SLC4A7: variants seen among roughly 807,000 people sequenced by gnomAD.
SLC4A7 encodes the protein sodium bicarbonate cotransporter 3.
In SLC4A7, 51 loss-of-function variants were observed where a neutral mutation model predicts 137.6. The observed-to-expected ratio is 0.37, with a 90% CI of 0.30 to 0.47. The LOEUF (loss-of-function observed/expected upper bound fraction) is 0.47. SLC4A7 is among the 20% of genes least tolerant of loss of function. The pLI is 1.00. For missense variants in SLC4A7, 1,247 were observed against 1,525.4 expected (o/e 0.82, Z 3.04); for synonymous variants, 542 against 518.6 (o/e 1.05, Z -0.61).
At chr3:27,472,100 AC>A (rs1486813061) in intron 1 of SLC4A7, among the ~76,000 whole-genome samples, 4 of 152,186 alleles carry the variant, frequency 2.6e-5, no homozygotes, top group African/African-American at 4.8e-5. Flanking sequence ...AAAGCTCACA[AC>A]CATAACAAAG....
intron 21 of SLC4A7, among the ~76,000 whole-genome samples, chr3:27,390,507 T>C (rs939116107): frequency 6.6e-6 from 1 of 152,206 alleles, no homozygotes; most frequent in African/African-American, 2.4e-5. Flanking sequence ...AGAAAATAAC[T>C]TGAGATAACA....
chr3:27,396,819 G>A (rs2052219453), intron 18 of SLC4A7, among the ~76,000 whole-genome samples: 1 of 152,052 alleles, frequency 6.6e-6, no homozygotes, highest in Non-Finnish European at 1.5e-5. Context: ...AACAAAAACA[G>A]AGCAGAAGGA....
intron 7 of SLC4A7, among the ~76,000 whole-genome samples, chr3:27,428,050 A>C (rs942084842): frequency 9.9e-5 from 15 of 152,228 alleles, no homozygotes; most frequent in African/African-American, 3.6e-4. Flanking sequence ...ATATTGGAAA[A>C]AATGGAAGGA....
chr3:27,466,461 A>G (rs2059002730), intron 1 of SLC4A7, among the ~76,000 whole-genome samples: 2 of 145,586 alleles, frequency 1.4e-5, no homozygotes, highest in Admixed American at 7.0e-5. Context: ...AAAAAAAAAA[A>G]GAAAAAGAAA....
intron 5 of SLC4A7, 62 bp downstream of exon 5, chr3:27,436,326 T>C (rs567222584): frequency 1.1e-4 from 135 of 1,267,502 alleles, no homozygotes; most frequent in Non-Finnish European, 1.5e-4. Context: ...ATATAGTTGT[T>C]AAATGAATGT....
intron 22 of SLC4A7, 123 bp from the exon 23 acceptor site, chr3:27,386,146 C>A: frequency 3.2e-6 from 2 of 620,192 alleles, no homozygotes; most frequent in South Asian, 5.9e-5. Flanking sequence ...ATTATTCACA[C>A]ATCATTTTGT....
At position 27,403,250 on chromosome 3, in the gene SLC4A7, G is replaced by C; in HGVS notation, c.2210C>G (p.Ala737Gly). 1 of 1,613,962 alleles carries C rather than the reference G, an allele frequency of 6.2e-7. No individual in the cohort carries two copies. Among genetic ancestry groups the C allele is most frequent in the Non-Finnish European group, 8.5e-7 (1 of 1,179,942 alleles). ...YITRFTEEAFAALICIIFIYE... is the reference protein window; with the variant it reads ...YITRFTEEAFGALICIIFIYE... ...GATGAATATGATGCAAATAAGGGCT[G>C]CAAAAGCCTCTTCTGTAAATCGAGT... is the stretch of plus-strand genomic sequence containing the variant. The change falls in exon 15 of 26, where the codon GCA (alanine) becomes GGA (glycine). Residue 737 changes from alanine (A) to glycine (G), a missense_variant. By Grantham distance (60) the Ala-to-Gly change is moderately conservative (BLOSUM62 0). This residue lies in a region of SLC4A7 where 499 missense variants were observed against 664.2 expected (regional missense o/e 0.75). Transcript: ENST00000454389.
Position 27,416,501 on chromosome 3 carries a change from T to C in SLC4A7, c.1659+1985A>G, listed in dbSNP as rs145056315. ...ATTATTATTAAAGAAGACTAGTACA[T>C]ACATATATTTTATGCATTCAGGAAT... On this transcript the variant is annotated intron_variant, in intron 11 of 25. Transcript: ENST00000454389. Among the ~76,000 whole-genome samples, 475 of 152,340 alleles carry C rather than the reference T, an allele frequency of 3.1e-3. 3 individuals are homozygous for C. Among genetic ancestry groups the C allele is most frequent in the African/African-American group, 0.011 (461 of 41,582 alleles).
chr3:27,432,412 G>A (rs2056388478), intron 6 of SLC4A7, among the ~76,000 whole-genome samples: 1 of 152,010 alleles, frequency 6.6e-6, no homozygotes, highest in South Asian at 2.1e-4. Flanking sequence ...TATTTCACTA[G>A]CTAAGAATAA....
intron 1 of SLC4A7, among the ~76,000 whole-genome samples, chr3:27,464,297 G>A (rs997482428): frequency 3.9e-5 from 6 of 152,206 alleles, no homozygotes; most frequent in African/African-American, 7.2e-5. Context: ...CTGTTTCAAC[G>A]AAGATCATGT....
intron 4 of SLC4A7, 26 bp downstream of exon 4, chr3:27,437,362 A>AAAG: frequency 1.4e-6 from 2 of 1,476,424 alleles, no homozygotes; most frequent in Non-Finnish European, 1.8e-6. Flanking sequence ...AAAAAAAAAA[A>AAAG]AGAGAGAGAG....
At chr3:27,454,272 C>A (rs1008984450) in intron 1 of SLC4A7, among the ~76,000 whole-genome samples, 1 of 152,130 alleles carries the variant, frequency 6.6e-6, no homozygotes, top group Non-Finnish European at 1.5e-5. Flanking sequence ...TTGACACCAG[C>A]CTGGCCAACG....
At chr3:27,469,290 G>T (rs1280451242) in intron 1 of SLC4A7, among the ~76,000 whole-genome samples, 1 of 152,076 alleles carries the variant, frequency 6.6e-6, no homozygotes, top group Non-Finnish European at 1.5e-5. Flanking sequence ...GACACCAGCT[G>T]GGTGTCCTCT....
intron 1 of SLC4A7, among the ~76,000 whole-genome samples, chr3:27,459,971 T>A (rs1206752211): frequency 2.1e-5 from 3 of 144,588 alleles, no homozygotes; most frequent in Admixed American, 6.9e-5. Context: ...TCAGTGTTAT[T>A]TATATATATA....
chr3:27,386,118 G>A, intron 22 of SLC4A7, 95 bp from the exon 23 acceptor site: 1 of 928,112 alleles, frequency 1.1e-6, no homozygotes, highest in Non-Finnish European at 1.6e-6. Flanking sequence ...TATAAAAAAT[G>A]CTTCATATAG....
At chr3:27,402,510 G>A (rs1452461583) in intron 15 of SLC4A7, among the ~76,000 whole-genome samples, 1 of 152,074 alleles carries the variant, frequency 6.6e-6, no homozygotes, top group Non-Finnish European at 1.5e-5. Context: ...GACCAGCCTG[G>A]CCAACATGGC....
At chr3:27,439,437 G>C (rs1056936533) in intron 3 of SLC4A7, among the ~76,000 whole-genome samples, 2 of 152,120 alleles carry the variant, frequency 1.3e-5, no homozygotes, top group African/African-American at 4.8e-5. Flanking sequence ...ACTTCCTACT[G>C]TATTAAACTT....
At chr3:27,427,768 C>A (rs922172511) in intron 7 of SLC4A7, among the ~76,000 whole-genome samples, 8 of 152,184 alleles carry the variant, frequency 5.3e-5, no homozygotes, top group African/African-American at 1.7e-4. Flanking sequence ...TATCTACAGT[C>A]GTCTTTTTAA....
chr3:27,418,633 C>A lies in SLC4A7; in HGVS notation c.1513-1G>T. On this transcript the variant is annotated splice_acceptor_variant, in intron 10 of 25. Transcript: ENST00000454389. LOFTEE classifies it high-confidence loss of function. Reference sequence around the variant, plus strand: ...CTTTATAAGCTACATCATGGAAAATCTAAGTGAAAAAAATATTGAGTAAAA... The same window carrying A: ...CTTTATAAGCTACATCATGGAAAATATAAGTGAAAAAAATATTGAGTAAAA... 1 of 1,561,676 alleles carries A rather than the reference C, an allele frequency of 6.4e-7. No individual in the cohort carries two copies. Among genetic ancestry groups the A allele is most frequent in the South Asian group, 1.2e-5 (1 of 85,442 alleles).
Sources: allele counts gnomAD v4.1 joint callset (sites outside exome capture counted in the v4.1 genomes callset), GRCh38; gene constraint gnomAD v4.1.1; regional missense constraint gnomAD v4.1.1; transcripts MANE v1.5; gene names NCBI Gene and HGNC (gene_info 2026-07-23, HGNC 2026-07-21).